CUBN: variants seen among roughly 807,000 people sequenced by gnomAD.
CUBN encodes the protein cubilin.
Under a neutral mutation model 405.3 loss-of-function variants are expected in CUBN, and 282 were observed. That is an observed-to-expected ratio of 0.70 (90% CI 0.63 to 0.77). The LOEUF is 0.77. Among genes scored for constraint, CUBN ranks in the 30% least tolerant of loss-of-function variants. The pLI, the probability that CUBN is intolerant of heterozygous loss-of-function variation, is 0.00. For synonymous variants in CUBN, 1,684 were observed against 1,617.0 expected (o/e 1.04, Z -0.99); for missense variants, 4,514 against 4,475.2 (o/e 1.01, Z -0.25).
Position 17,045,833 on chromosome 10 carries a change from TG to T in CUBN, c.3490+100del. On this transcript the variant is annotated intron_variant, in intron 24 of 66. Transcript: ENST00000377833. ...TGCAATATTGAAGTTTAAATACAGC[TG>T]GGCAAACATGGACAAGTGAGGGACA... is the stretch of plus-strand genomic sequence containing the variant. 18 of 1,208,402 alleles carry T rather than the reference TG, an allele frequency of 1.5e-5. No individual in the cohort carries two copies. In the South Asian group the frequency reaches 2.2e-4, roughly 15 times the overall value. 74.9% of individuals were successfully genotyped at this position (1,208,402 alleles called of 1,614,324 possible). A position where few individuals can be genotyped will look rare whatever the true frequency, so the allele number is the denominator to read the frequency against.
At chr10:17,015,639 C>T (rs1398769673) in intron 28 of CUBN, among the ~76,000 whole-genome samples, 3 of 152,192 alleles carry the variant, frequency 2.0e-5, no homozygotes, top group Non-Finnish European at 4.4e-5. Flanking sequence ...AGGGTCATAA[C>T]ATGAGCTGGC....
intron 17 of CUBN, among the ~76,000 whole-genome samples, chr10:17,073,608 A>G (rs1835786965): frequency 6.6e-6 from 1 of 151,970 alleles, no homozygotes; most frequent in Non-Finnish European, 1.5e-5. Flanking sequence ...CACCACGCCC[A>G]GCTAGTTTTG....
intron 54 of CUBN, among the ~76,000 whole-genome samples, chr10:16,896,607 T>C (rs1015963712): frequency 6.6e-6 from 1 of 152,362 alleles, no homozygotes; most frequent in East Asian, 1.9e-4. Context: ...TTGCCTTCAG[T>C]GTTCAGAAGT....
chr10:16,918,896 C>T (rs191734332), intron 44 of CUBN, 96 bp from the exon 45 acceptor site: 5 of 1,128,002 alleles, frequency 4.4e-6, no homozygotes, highest in African/African-American at 1.5e-5. Context: ...ATTATTAAAT[C>T]ATCATTTCTT....
At chr10:17,003,909 C>T (rs571188397) in intron 28 of CUBN, among the ~76,000 whole-genome samples, 1 of 152,276 alleles carries the variant, frequency 6.6e-6, no homozygotes, top group African/African-American at 2.4e-5. Flanking sequence ...TGACATTTCC[C>T]ACTCCATTGT....
intron 39 of CUBN, among the ~76,000 whole-genome samples, chr10:16,935,723 CA>C (rs1193952491): frequency 6.6e-6 from 1 of 151,024 alleles, no homozygotes; most frequent in Admixed American, 6.6e-5. Flanking sequence ...ACTAAAAATA[CA>C]AAAAAATCAG....
intron 26 of CUBN, among the ~76,000 whole-genome samples, chr10:17,042,076 A>G (rs1006095372): frequency 6.6e-6 from 1 of 152,194 alleles, no homozygotes; most frequent in Non-Finnish European, 1.5e-5. Context: ...TCATAGATGT[A>G]TTCCTACTAC....
rs140586269 is a variant in CUBN, at chr10:16,890,387, G to A, written c.8739C>T (p.Ser2913=). The A allele has an allele frequency of 3.7e-5, 60 of 1,613,316 alleles. No individual in the cohort carries two copies. Among genetic ancestry groups the A allele is most frequent in the East Asian group, 4.5e-5 (2 of 44,878 alleles). The change falls in exon 55 of 67, where the codon TCC becomes TCT. Residue 2913 remains serine (S), a synonymous_variant. Transcript: ENST00000377833. ...QSQEAPAQGF[S]ASFVSRCGSN... ...GCTACTTACGGCTAACAAAGGACGC[G>A]GAGAAGCCCTGAGCTGGTGCCTCCT...
intron 43 of CUBN, among the ~76,000 whole-genome samples, chr10:16,924,244 A>G (rs1271937136): frequency 6.6e-6 from 1 of 152,100 alleles, no homozygotes; most frequent in African/African-American, 2.4e-5. Flanking sequence ...GCTCAGCATC[A>G]AGAGATGGAG....
intron 20 of CUBN, 80 bp from the exon 21 acceptor site, chr10:17,068,360 C>G (rs1455336024): frequency 5.0e-6 from 7 of 1,409,536 alleles, no homozygotes; most frequent in Non-Finnish European, 7.0e-6. Context: ...TGATAATAAC[C>G]TCTTCAAAGA....
intron 59 of CUBN, among the ~76,000 whole-genome samples, chr10:16,865,130 G>A (rs1413710839): frequency 1.3e-5 from 2 of 151,170 alleles, no homozygotes; most frequent in Non-Finnish European, 1.5e-5. Flanking sequence ...CACCATGCCT[G>A]GCTAATTTTT....
chr10:16,920,360 T>C (rs571600596), intron 43 of CUBN, among the ~76,000 whole-genome samples: 45 of 152,314 alleles, frequency 3.0e-4, no homozygotes, highest in East Asian at 1.2e-3. Flanking sequence ...TCTATTCTCA[T>C]TGGAAATTTC....
intron 31 of CUBN, among the ~76,000 whole-genome samples, chr10:16,963,797 T>C (rs1425549916): frequency 2.0e-5 from 3 of 152,230 alleles, no homozygotes; most frequent in Non-Finnish European, 2.9e-5. Flanking sequence ...TAGAGCAAGT[T>C]GAAGAAGGAT....
rs560203390 is a variant in CUBN, at chr10:17,006,937, C to T, written c.4168+12896G>A. ...GTGGAAATCCTGGGTGACATCACCT[C>T]CTGATCACATGCCCCTTAGCCCTGC... On this transcript the variant is annotated intron_variant, in intron 28 of 66. Coordinates refer to ENST00000377833, the MANE Select transcript of CUBN (RefSeq NM_001081.4). 9.8e-5 allele frequency among the ~76,000 whole-genome samples: 15 copies of T among 152,330 alleles called. No homozygotes were observed. In the East Asian group the frequency reaches 2.7e-3, roughly 27 times the overall value.
rs749145773 is a variant in CUBN at position 16,835,079 on chromosome 10, TG to T, written c.10296del (p.Ile3433PhefsTer23). The T allele has an allele frequency of 6.2e-7, 1 of 1,614,034 alleles. No individual in the cohort carries two copies. The highest frequency in any genetic ancestry group is 2.2e-5 in the East Asian group (1 of 44,880). Reference sequence around the variant, plus strand: ...CCAAGTGAATGAAAAAAGAGGGAAATGGTGTGGTTCTGGGGGGCTGTGAGAG... The same window carrying T: ...CCAAGTGAATGAAAAAAGAGGGAAATGTGTGGTTCTGGGGGGCTGTGAGAG... ...TVTLTAPQNHTISLFFHSLGI... is the reference protein window; with the variant it reads ...TVTLTAPQNHXISLFFHSLGI... On this transcript the variant is annotated frameshift_variant, in exon 64 of 67. Coordinates refer to ENST00000377833, the MANE Select transcript of CUBN (RefSeq NM_001081.4). LOFTEE classifies it high-confidence loss of function.
At chr10:16,920,336 T>G (rs1201490372) in intron 43 of CUBN, among the ~76,000 whole-genome samples, 199 bp from the exon 44 acceptor site, 1 of 152,252 alleles carries the variant, frequency 6.6e-6, no homozygotes, top group Non-Finnish European at 1.5e-5. Context: ...CTTTTTATTT[T>G]GCCAGACCAT....
intron 59 of CUBN, among the ~76,000 whole-genome samples, chr10:16,862,160 T>TCTCTCTCTCACACACACACACA (rs144560387): frequency 1.5e-5 from 2 of 131,164 alleles, no homozygotes; most frequent in African/African-American, 6.5e-5. Context: ...TCTCTCTCTC[T>TCTCTCTCTCACACACACACACA]CACACACACA....
At chr10:17,026,550 T>G (rs1834668428) in intron 27 of CUBN, among the ~76,000 whole-genome samples, 2 of 151,906 alleles carry the variant, frequency 1.3e-5, no homozygotes, top group South Asian at 4.1e-4. Context: ...GGAGAATCAC[T>G]TGAACCCCAG....
At chr10:16,954,245 C>A (rs373837608) in intron 32 of CUBN, 144 bp downstream of exon 32, 7 of 976,782 alleles carry the variant, frequency 7.2e-6, no homozygotes, top group African/African-American at 6.4e-5. Flanking sequence ...AATTGTAAGT[C>A]ACAGTTCTTT....
Sources: gnomAD v4.1 joint callset for allele counts (sites outside exome capture counted in the v4.1 genomes callset) on GRCh38, gnomAD v4.1.1 for gene constraint, MANE v1.5 for transcripts, NCBI Gene and HGNC (gene_info 2026-07-23, HGNC 2026-07-21) for gene names.